Variants in CCDC93 observed in about 807,000 individuals in gnomAD.
CCDC93 encodes coiled-coil domain-containing protein 93.
A neutral mutation model predicts 108.2 loss-of-function variants in CCDC93; 61 were observed. The observed-to-expected ratio is 0.56, with a 90% confidence interval of 0.46 to 0.70. The LOEUF is 0.70. CCDC93 is among the 30% of genes least tolerant of loss of function. The pLI, the probability that CCDC93 is intolerant of heterozygous loss-of-function variation, is 0.00. For missense variants in CCDC93, 685 were observed against 764.2 expected, an observed-to-expected ratio of 0.90 and a Z score of 1.22; for synonymous variants, 276 against 260.4, an observed-to-expected ratio of 1.06 and a Z score of -0.58.
intron 6 of CCDC93, among the ~76,000 whole-genome samples, chr2:117,990,396 G>A (rs1241873504): frequency 6.6e-6 from 1 of 152,194 alleles, no homozygotes; most frequent in Non-Finnish European, 1.5e-5. Context: ...AGCAGGTACT[G>A]GGAATAATCT....
In CCDC93 at chr2:117,967,390, G is replaced by A. The variant is rs540635662; in HGVS notation, c.888+6518C>T. ...AGATACTCCAAATACAAACTTCCAC[G>A]GCTTTCAGCAGCTTAGGTTTATGGT... On this transcript the variant is annotated intron_variant, in intron 11 of 23. Transcript: ENST00000376300. Among the ~76,000 whole-genome samples the A allele has an allele frequency of 4.6e-5, 7 of 152,330 alleles. No individual in the cohort carries two copies. In the South Asian group the frequency reaches 1.2e-3, roughly 27 times the overall value.
chr2:117,942,277 T>A (rs1012458136), intron 18 of CCDC93, among the ~76,000 whole-genome samples: 1 of 152,162 alleles, frequency 6.6e-6, no homozygotes, highest in East Asian at 1.9e-4. Context: ...ACCCTTCTCA[T>A]CAGCATTTAA....
intron 3 of CCDC93, among the ~76,000 whole-genome samples, chr2:118,005,948 T>C (rs1676854293): frequency 1.3e-5 from 2 of 152,088 alleles, no homozygotes; most frequent in African/African-American, 4.8e-5. Flanking sequence ...CAGGGGCAAA[T>C]CTTTGGCCAA....
chr2:117,966,935 A>G (rs1679600460), intron 11 of CCDC93, among the ~76,000 whole-genome samples: 1 of 152,184 alleles, frequency 6.6e-6, no homozygotes, highest in Non-Finnish European at 1.5e-5. Context: ...TCTAAAATAC[A>G]CCTTGCTATG....
intron 6 of CCDC93, among the ~76,000 whole-genome samples, chr2:117,990,971 C>T (rs1445365407): frequency 6.6e-6 from 1 of 150,402 alleles, no homozygotes; most frequent in Non-Finnish European, 1.5e-5. Flanking sequence ...CTTATTACAA[C>T]AGCATTAGTA....
chr2:117,981,336 G>A (rs1205239568), intron 7 of CCDC93, among the ~76,000 whole-genome samples: 1 of 152,156 alleles, frequency 6.6e-6, no homozygotes, highest in African/African-American at 2.4e-5. Context: ...ATGTCACAAA[G>A]TAGTGAGATT....
At chr2:118,009,567 G>C (rs1406996980) in intron 1 of CCDC93, among the ~76,000 whole-genome samples, 1 of 152,190 alleles carries the variant, frequency 6.6e-6, no homozygotes, top group Non-Finnish European at 1.5e-5. Flanking sequence ...AGCTACTTGG[G>C]AGGCTGAGGC....
At chr2:117,997,184 T>A (rs1387390940) in intron 4 of CCDC93, 2 of 152,160 alleles carry the variant, frequency 1.3e-5, no homozygotes, top group Non-Finnish European at 2.9e-5. Flanking sequence ...TTCTCCCAAC[T>A]GAAAACTCCA....
intron 17 of CCDC93, chr2:117,944,842 AG>A (rs1678817629): frequency 2.1e-6 from 1 of 469,968 alleles, no homozygotes; most frequent in African/African-American, 2.0e-5. Context: ...CCCTTAAAGA[AG>A]GCAGATGCTT....
chr2:117,973,773 G>C, intron 11 of CCDC93, 135 bp downstream of exon 11: 1 of 692,586 alleles, frequency 1.4e-6, no homozygotes, highest in Admixed American at 2.1e-5. Flanking sequence ...GTAAAGCCCA[G>C]TGTGTTTCTG....
At chr2:117,987,361 A>T (rs886362202) in intron 6 of CCDC93, among the ~76,000 whole-genome samples, 1 of 152,110 alleles carries the variant, frequency 6.6e-6, no homozygotes, top group Non-Finnish European at 1.5e-5. Context: ...CCCTGACACT[A>T]CCTTGCCCCA....
In CCDC93 at chr2:117,989,945, C is replaced by T. The variant is rs76307868; in HGVS notation, c.520-3876G>A. ...TTAAATGGCAGTCTCTTAGATGATC[C>T]GGTAAGTTCCACAGTGCACTTCTTT... On this transcript the variant is annotated intron_variant, in intron 6 of 23. Coordinates refer to ENST00000376300, the MANE Select transcript of CCDC93 (RefSeq NM_019044.5). Among the ~76,000 whole-genome samples, 81 of 152,272 alleles carry T rather than the reference C, an allele frequency of 5.3e-4. 1 individual carries two copies. The South Asian group carries it at 0.015, about 29-fold the overall frequency.
intron 13 of CCDC93, chr2:117,951,481 G>T: frequency 1.0e-6 from 1 of 987,582 alleles, no homozygotes; most frequent in Non-Finnish European, 1.2e-6. Context: ...GCTACATATC[G>T]CTACAGAGTA....
chr2:118,002,535 C>T (rs1437533014), intron 3 of CCDC93, among the ~76,000 whole-genome samples: 2 of 152,126 alleles, frequency 1.3e-5, no homozygotes, highest in East Asian at 3.9e-4. Context: ...AACAGTAATA[C>T]CCCACTGATC....
intron 21 of CCDC93, chr2:117,936,456 A>G (rs889628918): frequency 4.5e-6 from 2 of 448,330 alleles, no homozygotes; most frequent in Non-Finnish European, 8.0e-6. Flanking sequence ...GGGTACAGTC[A>G]AAGTATTTGA....
chr2:117,985,677 G>A (rs74771350), intron 7 of CCDC93, among the ~76,000 whole-genome samples: 81 of 152,230 alleles, frequency 5.3e-4, no homozygotes, highest in African/African-American at 1.9e-3. Flanking sequence ...TTTACCTGAA[G>A]ATTTTAACAA....
intron 1 of CCDC93, 21 bp downstream of exon 1, chr2:118,013,933 G>T: frequency 1.3e-6 from 2 of 1,565,448 alleles, no homozygotes; most frequent in Non-Finnish European, 1.7e-6. Context: ...GACGTGTCAG[G>T]GAAGGAGGAG....
In CCDC93 at chr2:117,924,605, G is replaced by C. The variant is rs553346250; in HGVS notation, c.1843-4209C>G. Among the ~76,000 whole-genome samples, 8 of 152,294 alleles carry C rather than the reference G, an allele frequency of 5.3e-5. No homozygotes were observed. The East Asian group carries it at 1.3e-3, about 26-fold the overall frequency. On this transcript the variant is annotated intron_variant, in intron 23 of 23. Transcript: ENST00000376300. ...AAAAGAATAAAAAGAAATGACCAAA[G>C]TCTCCAAGAAATATGGGACTATGTG...
intron 1 of CCDC93, among the ~76,000 whole-genome samples, chr2:118,010,020 G>C (rs4849655): frequency 0.97 from 147,550 of 152,206 alleles, 71,709 homozygotes; most frequent in Middle Eastern, 1. Context: ...ATCCCAGAGA[G>C]AACCTCCACC....
Sources: allele counts gnomAD v4.1 joint callset (sites outside exome capture counted in the v4.1 genomes callset), GRCh38; gene constraint gnomAD v4.1.1; transcripts MANE v1.5; gene names NCBI Gene and HGNC (gene_info 2026-07-23, HGNC 2026-07-21).